Variants in CLINT1 observed in about 807,000 individuals in gnomAD.
CLINT1 encodes the protein clathrin interacting protein localized in the trans-Golgi region.
Under a neutral mutation model 70.4 loss-of-function variants are expected in CLINT1, and 15 were observed. The observed-to-expected ratio is 0.21, with a 90% CI of 0.14 to 0.33. CLINT1 has a LOEUF of 0.33. CLINT1 is among the 10% of genes least tolerant of loss of function. The pLI, the probability that CLINT1 is intolerant of heterozygous loss-of-function variation, is 1.00. For missense variants in CLINT1, 615 were observed against 778.1 expected, an observed-to-expected ratio of 0.79 and a Z score of 2.49; for synonymous variants, 227 against 254.7, an observed-to-expected ratio of 0.89 and a Z score of 1.04.
chr5:157,856,237 T>G (rs575926819), intron 1 of CLINT1, among the ~76,000 whole-genome samples: 2 of 152,362 alleles, frequency 1.3e-5, no homozygotes, highest in South Asian at 4.1e-4. Flanking sequence ...TAGTTCCAAC[T>G]ATTTTTCCTT....
chr5:157,834,956 C>T (rs1581528127), intron 1 of CLINT1, among the ~76,000 whole-genome samples: 1 of 152,256 alleles, frequency 6.6e-6, no homozygotes, highest in East Asian at 1.9e-4. Context: ...ACCTCAAAAT[C>T]TGTATTCACG....
intron 11 of CLINT1, among the ~76,000 whole-genome samples, chr5:157,788,544 T>C (rs1339739930): frequency 6.6e-6 from 1 of 152,218 alleles, no homozygotes; most frequent in East Asian, 1.9e-4. Flanking sequence ...AATCATACAC[T>C]AATATAACTA....
In CLINT1 at chr5:157,855,831, A is replaced by G. The variant is rs567612352; in HGVS notation, c.41+3099T>C. Among the ~76,000 whole-genome samples, 28 of 152,138 alleles carry G rather than the reference A, an allele frequency of 1.8e-4. No individual in the cohort carries two copies. In the South Asian group the frequency reaches 5.6e-3, roughly 30 times the overall value. ...GCACCTGTAATTCCAGCTACTAGGG[A>G]GGCTGAGGCAGGAGACTCGCTTGAA... On this transcript the variant is annotated intron_variant, in intron 1 of 11. Coordinates refer to ENST00000411809, the MANE Select transcript of CLINT1 (RefSeq NM_014666.4).
intron 10 of CLINT1, chr5:157,789,849 C>A: frequency 5.0e-6 from 2 of 402,122 alleles, no homozygotes; most frequent in Non-Finnish European, 9.1e-6. Flanking sequence ...GGGGAACTAC[C>A]GATTTTAGGT....
intron 9 of CLINT1, 101 bp downstream of exon 9, chr5:157,794,797 G>C: frequency 1.2e-6 from 1 of 819,894 alleles, no homozygotes; most frequent in East Asian, 2.7e-5. Flanking sequence ...AATACTACAA[G>C]GAGAAAAATG....
intron 1 of CLINT1, among the ~76,000 whole-genome samples, chr5:157,828,927 T>TAAAAAAAAA (rs11379662): frequency 9.7e-6 from 1 of 103,376 alleles, no homozygotes. Context: ...TGTCTCTACT[T>TAAAAAAAAA]AAAAAAAAAA....
At position 157,791,854 on chromosome 5, in the gene CLINT1, G is replaced by A; in HGVS notation, c.1229C>T (p.Ala410Val). Residue 410 changes from alanine to valine, a missense_variant, in exon 10 of 12, where the codon GCT (alanine) becomes GTT (valine). By Grantham distance (64) the Ala-to-Val change is moderately conservative (BLOSUM62 0). Transcript: ENST00000411809. ...AVELVSGSQS[A>V]LGPPPAASNS... is the part of the protein sequence containing the mutation. ...TGAGGCAGCAGGAGGTGGGCCTAGA[G>A]CTGATTGTGAGCCACTAACAAGTTC... The A allele has an allele frequency of 6.2e-7, 1 of 1,613,960 alleles. No individual in the cohort carries two copies. Among genetic ancestry groups the A allele is most frequent in the Non-Finnish European group, 8.5e-7 (1 of 1,179,870 alleles).
intron 1 of CLINT1, among the ~76,000 whole-genome samples, chr5:157,851,170 T>G (rs953752632): frequency 6.6e-6 from 1 of 152,042 alleles, no homozygotes; most frequent in Admixed American, 6.6e-5. Context: ...AACCCGAAAA[T>G]TGAATTTTCA....
chr5:157,825,616 G>A (rs1050851480), intron 1 of CLINT1, among the ~76,000 whole-genome samples: 1 of 152,134 alleles, frequency 6.6e-6, no homozygotes, highest in African/African-American at 2.4e-5. Context: ...GTTCGTATGA[G>A]ATTAAAATTA....
intron 1 of CLINT1, among the ~76,000 whole-genome samples, chr5:157,844,508 G>A (rs1753302247): frequency 6.6e-6 from 1 of 152,152 alleles, no homozygotes; most frequent in Admixed American, 6.6e-5. Flanking sequence ...AGCACTCAGT[G>A]AAGGACCCTT....
chr5:157,795,435 T>G (rs887781377), intron 8 of CLINT1: 3 of 155,728 alleles, frequency 1.9e-5, no homozygotes, highest in African/African-American at 7.2e-5. Flanking sequence ...ATTGAGACAC[T>G]GGGGAAATCT....
At chr5:157,834,937 TA>T (rs1763369537) in intron 1 of CLINT1, among the ~76,000 whole-genome samples, 1 of 152,182 alleles carries the variant, frequency 6.6e-6, no homozygotes, top group East Asian at 1.9e-4. Context: ...GCCTACTCAC[TA>T]AAATGTAACC....
chr5:157,847,094 T>G (rs1753407796), intron 1 of CLINT1, among the ~76,000 whole-genome samples: 1 of 151,934 alleles, frequency 6.6e-6, no homozygotes, highest in African/African-American at 2.4e-5. Context: ...CAAGTCTTAT[T>G]ATTTAAGAAA....
Position 157,833,936 on chromosome 5 carries a change from T to G in CLINT1, c.42-16389A>C, listed in dbSNP as rs571540979. ...CAGCCTGGGTGACAGAGTGAGACCCTGCCTCAAAAAACAAAAACAGTGTAT... is the reference window on the plus strand; with the variant it reads ...CAGCCTGGGTGACAGAGTGAGACCCGGCCTCAAAAAACAAAAACAGTGTAT... On this transcript the variant is annotated intron_variant, in intron 1 of 11. Coordinates refer to ENST00000411809, the MANE Select transcript of CLINT1 (RefSeq NM_014666.4). 3.9e-5 allele frequency among the ~76,000 whole-genome samples: 6 copies of G among 152,064 alleles called. No individual in the cohort carries two copies. In the East Asian group the frequency reaches 9.8e-4, roughly 25 times the overall value.
In CLINT1 at chr5:157,858,541, C is replaced by G. The variant is rs144162925; in HGVS notation, c.41+389G>C. On this transcript the variant is annotated intron_variant, in intron 1 of 11. Coordinates refer to ENST00000411809, the MANE Select transcript of CLINT1 (RefSeq NM_014666.4). ...AACCAGTGCATTGTGCCCCCCACCC[C>G]CAAACCTTCCCTGCTCCCCAGGAGG... Among the ~76,000 whole-genome samples the G allele has an allele frequency of 6.6e-5, 10 of 152,330 alleles. No individual in the cohort carries two copies. The East Asian group carries it at 1.5e-3, about 24-fold the overall frequency.
At chr5:157,834,835 G>C (rs372389614) in intron 1 of CLINT1, among the ~76,000 whole-genome samples, 1 of 152,064 alleles carries the variant, frequency 6.6e-6, no homozygotes, top group African/African-American at 2.4e-5. Flanking sequence ...GGCTATGTAT[G>C]AATTTATTTT....
chr5:157,801,856 A>G (rs1762232223), intron 8 of CLINT1, among the ~76,000 whole-genome samples: 1 of 152,128 alleles, frequency 6.6e-6, no homozygotes, highest in Non-Finnish European at 1.5e-5. Context: ...ATCAGTGAAA[A>G]GTAATTTCCA....
chr5:157,793,484 G>T (rs1761977272), intron 9 of CLINT1, among the ~76,000 whole-genome samples: 1 of 152,102 alleles, frequency 6.6e-6, no homozygotes, highest in Admixed American at 6.6e-5. Context: ...AATGGTTTCA[G>T]CCCCCTGCGT....
At chr5:157,811,933 A>C (rs1762574237) in intron 5 of CLINT1, among the ~76,000 whole-genome samples, 1 of 152,130 alleles carries the variant, frequency 6.6e-6, no homozygotes, top group Non-Finnish European at 1.5e-5. Context: ...TCAAAACATT[A>C]TTTATATGCT....
Sources: allele counts gnomAD v4.1 joint callset (sites outside exome capture counted in the v4.1 genomes callset), GRCh38; gene constraint gnomAD v4.1.1; transcripts MANE v1.5; gene names NCBI Gene and HGNC (gene_info 2026-07-23, HGNC 2026-07-21).